Variants in NME9 observed in about 807,000 individuals in gnomAD.
NME9 encodes thioredoxin domain-containing protein 6.
In NME9, 48 loss-of-function variants were observed where a neutral mutation model predicts 44.4. That is an observed-to-expected ratio of 1.08 (90% confidence interval 0.86 to 1.37). NME9 has a LOEUF of 1.37. Among genes scored for constraint, NME9 ranks in the 40% most tolerant of loss-of-function variants. NME9 has a pLI of 0.00. For synonymous variants in NME9, 139 were observed against 147.1 expected (o/e 0.94, Z 0.40); for missense variants, 325 against 405.2 (o/e 0.80, Z 1.70).
chr3:138,264,404 T>TTTTC (rs1448247002), intron 8 of NME9, among the ~76,000 whole-genome samples: 1 of 138,942 alleles, frequency 7.2e-6, no homozygotes, highest in Admixed American at 8.4e-5. Context: ...ACAGGCCTGA[T>TTTTC]TTTCTTTCTT....
chr3:138,264,015 C>A, intron 8 of NME9: 1 of 1,042,930 alleles, frequency 9.6e-7, no homozygotes, highest in Admixed American at 2.0e-5. Context: ...ATGTAGTTCA[C>A]TTAACAATGT....
intron 10 of NME9, among the ~76,000 whole-genome samples, chr3:138,302,623 A>G (rs2108427141): frequency 6.6e-6 from 1 of 152,326 alleles, no homozygotes; most frequent in African/African-American, 2.4e-5. Context: ...CTCAGCTGGC[A>G]GTGGGAATAA....
exon 9 of NME9, chr3:138,262,441 T>A (rs1410511244): frequency 2.2e-6 from 3 of 1,370,404 alleles, no homozygotes; most frequent in Non-Finnish European, 2.0e-6. Context: ...TGATCATTGT[T>A]AATTTCAACA....
At chr3:138,282,347 AG>A (rs2050011488) in intron 8 of NME9, among the ~76,000 whole-genome samples, 1 of 152,108 alleles carries the variant, frequency 6.6e-6, no homozygotes, top group African/African-American at 2.4e-5. Context: ...GGAGAGGGAG[AG>A]AGAAAAGAAT....
At chr3:138,262,683 T>TAAA in intron 8 of NME9, 2 of 1,052,602 alleles carry the variant, frequency 1.9e-6, no homozygotes, top group Non-Finnish European at 1.2e-6. Context: ...GACATAGGAT[T>TAAA]AAAAAAAAAA....
intron 10 of NME9, 44 bp downstream of exon 10, chr3:138,303,463 G>T (rs1326205907): frequency 1.3e-6 from 2 of 1,519,278 alleles, no homozygotes; most frequent in African/African-American, 1.4e-5. Context: ...CAAATTCCTT[G>T]TATCTATGAT....
chr3:138,290,555 A>G (rs930959957), intron 8 of NME9: 3 of 1,602,876 alleles, frequency 1.9e-6, no homozygotes, highest in Non-Finnish European at 2.6e-6. Context: ...GGTTCACAAG[A>G]ACGCCAGGAT....
chr3:138,302,461 C>T (rs1298660649), intron 10 of NME9, among the ~76,000 whole-genome samples: 1 of 152,148 alleles, frequency 6.6e-6, no homozygotes, highest in African/African-American at 2.4e-5. Flanking sequence ...GCCCCACAAC[C>T]CTGGACACAT....
chr3:138,298,202 C>G (rs960158864), downstream of NME9: 1 of 152,182 alleles, frequency 6.6e-6, no homozygotes, highest in African/African-American at 2.4e-5. Context: ...CATTCTGTTT[C>G]TCCTTTTGTG....
intron 1 of NME9, among the ~76,000 whole-genome samples, chr3:138,325,322 C>T (rs937339614): frequency 3.9e-5 from 6 of 152,048 alleles, no homozygotes; most frequent in Admixed American, 6.6e-5. Context: ...TTTTCTTATC[C>T]ACACAGTTCT....
chr3:138,283,787 C>T (rs897842751), intron 8 of NME9, among the ~76,000 whole-genome samples: 5 of 152,226 alleles, frequency 3.3e-5, no homozygotes, highest in Admixed American at 6.5e-5. Flanking sequence ...GTCCTTCCAG[C>T]TGGCACAGGC....
chr3:138,264,047 T>C (rs1458578552), intron 8 of NME9: 2 of 1,237,218 alleles, frequency 1.6e-6, no homozygotes, highest in African/African-American at 3.0e-5. Context: ...AAGTGTACAT[T>C]AGTCATTGTA....
At position 138,329,666 on chromosome 3, in the gene NME9, C is replaced by G; in HGVS notation, c.-331G>C. 8.1e-7 allele frequency: 1 copy of G among 1,231,988 alleles called. No homozygotes were observed. 76.3% of individuals were successfully genotyped at this position (1,231,988 alleles called of 1,614,324 possible). A position where few individuals can be genotyped will look rare whatever the true frequency, so the allele number is the denominator to read the frequency against. On this transcript the variant is annotated 5_prime_UTR_variant, in exon 1 of 11. Transcript: ENST00000333911. ...CGGAGTCAGTGCGCCGGGCGCGGTG[C>G]AGCCTGTCGGGCACAGGGTCGCCAG...
At chr3:138,317,271 A>G (rs1254081161) in intron 4 of NME9, among the ~76,000 whole-genome samples, 2 of 152,246 alleles carry the variant, frequency 1.3e-5, no homozygotes, top group African/African-American at 2.4e-5. Flanking sequence ...ATGTTTTATC[A>G]TAAGTTTCCA....
At chr3:138,262,303 G>T in exon 9 of NME9, 1 of 480,572 alleles carries the variant, frequency 2.1e-6, no homozygotes, top group Non-Finnish European at 3.7e-6. Flanking sequence ...AATGGAATTA[G>T]GTTTGGTCTA....
At chr3:138,279,293 T>C (rs1027074684) in intron 8 of NME9, among the ~76,000 whole-genome samples, 1 of 152,336 alleles carries the variant, frequency 6.6e-6, no homozygotes. Context: ...AATCAATTAC[T>C]TTCTTTTGCA....
chr3:138,307,326 C>G (rs1443675073), intron 6 of NME9, among the ~76,000 whole-genome samples: 1 of 152,184 alleles, frequency 6.6e-6, no homozygotes, highest in Non-Finnish European at 1.5e-5. Flanking sequence ...AGGTCTGTGT[C>G]TAGTCCATGA....
At position 138,324,689 on chromosome 3, in the gene NME9, C is replaced by T. The variant is rs896538109; in HGVS notation, c.91+184G>A. ...GAACTGAATTTACTGATATTCAAGC[C>T]AGATACACACACACACACACACACA... On this transcript the variant is annotated intron_variant, in intron 2 of 10. Transcript: ENST00000333911. The T allele has an allele frequency of 5.1e-6, 3 of 593,680 alleles. No individual in the cohort carries two copies. The African/African-American group carries it at 7.0e-5, about 14-fold the overall frequency. 36.8% of individuals were successfully genotyped at this position (593,680 alleles called of 1,614,324 possible). A position where few individuals can be genotyped will look rare whatever the true frequency, so the allele number is the denominator to read the frequency against.
intron 8 of NME9, chr3:138,287,533 G>A (rs2050547210): frequency 2.4e-6 from 1 of 409,764 alleles, no homozygotes; most frequent in African/African-American, 2.1e-5. Flanking sequence ...CATAGTAAAT[G>A]CATATTTGTT....
Sources: allele counts gnomAD v4.1 joint callset (sites outside exome capture counted in the v4.1 genomes callset), GRCh38; gene constraint gnomAD v4.1.1; transcripts MANE v1.5; gene names NCBI Gene and HGNC (gene_info 2026-07-23, HGNC 2026-07-21).